Variants in PDE8A observed in about 807,000 individuals in gnomAD.
PDE8A encodes the protein phosphodiesterase 8A.
In PDE8A, 59 loss-of-function variants were observed where a neutral mutation model predicts 105.0. The observed-to-expected ratio is 0.56, with a 90% CI of 0.46 to 0.70. The LOEUF (loss-of-function observed/expected upper bound fraction) is 0.70, where lower values mean the gene tolerates loss of function less well. PDE8A is among the 30% of genes least tolerant of loss of function. The pLI is 0.00. For synonymous variants in PDE8A, 355 were observed against 371.9 expected (o/e 0.95, Z 0.52); for missense variants, 1,014 against 1,045.9 (o/e 0.97, Z 0.42).
At chr15:85,035,874 T>C (rs2080698262) in intron 1 of PDE8A, among the ~76,000 whole-genome samples, 1 of 152,220 alleles carries the variant, frequency 6.6e-6, no homozygotes, top group African/African-American at 2.4e-5. Context: ...CAAAGCTGCC[T>C]TCATTCCTTG....
intron 18 of PDE8A, among the ~76,000 whole-genome samples, chr15:85,122,683 A>ACTCC (rs2082200033): frequency 6.6e-6 from 1 of 152,120 alleles, no homozygotes; most frequent in Non-Finnish European, 1.5e-5. Flanking sequence ...GGTATCAAGT[A>ACTCC]CTCCCTATGA....
intron 1 of PDE8A, among the ~76,000 whole-genome samples, chr15:85,061,784 T>G (rs933713641): frequency 2.6e-5 from 4 of 152,148 alleles, no homozygotes; most frequent in African/African-American, 7.2e-5. Flanking sequence ...GTTCACTATT[T>G]TTTTAAAGGT....
At position 85,030,331 on chromosome 15, in the gene PDE8A, T is replaced by A. The variant is rs986932308; in HGVS notation, c.187-34039T>A. 9.9e-4 allele frequency among the ~76,000 whole-genome samples: 150 copies of A among 151,894 alleles called. 2 individuals carry two copies. Among genetic ancestry groups the A allele is most frequent in the Non-Finnish European group, 1.6e-3 (110 of 67,970 alleles). ...TAGCCTCCATTGAATCTGGCCCAGT[T>A]TGGTATGATCTCCTAGCCACAGCCT... On this transcript the variant is annotated intron_variant, in intron 1 of 21. Transcript: ENST00000394553.
intron 1 of PDE8A, among the ~76,000 whole-genome samples, chr15:85,031,625 G>C (rs1370099266): frequency 6.6e-6 from 1 of 152,226 alleles, no homozygotes; most frequent in East Asian, 1.9e-4. Context: ...CTTCCTAGCT[G>C]TGTGACTGAC....
At chr15:85,048,962 C>T (rs1375704359) in intron 1 of PDE8A, among the ~76,000 whole-genome samples, 3 of 152,064 alleles carry the variant, frequency 2.0e-5, no homozygotes, top group South Asian at 2.1e-4. Flanking sequence ...ATTAGCCAGG[C>T]GTGGTGGCTC....
chr15:85,108,118 C>T lies in PDE8A; in HGVS notation c.1037-935C>T, dbSNP rs190914043. Among the ~76,000 whole-genome samples the T allele has an allele frequency of 2.4e-3, 365 of 152,224 alleles. 1 individual carries two copies. Among genetic ancestry groups the T allele is most frequent in the African/African-American group, 8.5e-3 (353 of 41,512 alleles). On this transcript the variant is annotated intron_variant, in intron 11 of 21. Transcript: ENST00000394553. ...TAGCAAAAAGGAGGTCGTTGGTGAC[C>T]TTGACACATTCACTCTTTAGTGCCC...
chr15:85,012,592 A>C (rs2080258381), intron 1 of PDE8A, among the ~76,000 whole-genome samples: 1 of 151,534 alleles, frequency 6.6e-6, no homozygotes, highest in African/African-American at 2.4e-5. Flanking sequence ...AGATATACCT[A>C]ATGCTAAATG....
chr15:84,985,802 T>C (rs1707105861), intron 1 of PDE8A, among the ~76,000 whole-genome samples: 2 of 152,234 alleles, frequency 1.3e-5, no homozygotes, highest in South Asian at 4.1e-4. Flanking sequence ...AAGCCAGTTT[T>C]AACCAGAGTA....
chr15:85,029,218 T>C (rs374192143), intron 1 of PDE8A, among the ~76,000 whole-genome samples: 1 of 152,198 alleles, frequency 6.6e-6, no homozygotes, highest in African/African-American at 2.4e-5. Flanking sequence ...AATATTCTTA[T>C]GTTAACCGTA....
At chr15:84,983,881 T>A (rs2079760607) in intron 1 of PDE8A, among the ~76,000 whole-genome samples, 1 of 152,216 alleles carries the variant, frequency 6.6e-6, no homozygotes, top group African/African-American at 2.4e-5. Context: ...CTTGTAAGCC[T>A]CCCCAGTGCA....
At chr15:84,992,812 G>C (rs1295830608) in intron 1 of PDE8A, among the ~76,000 whole-genome samples, 2 of 152,192 alleles carry the variant, frequency 1.3e-5, no homozygotes, top group African/African-American at 4.8e-5. Context: ...AATTTGTACA[G>C]TGCTTTATGG....
At chr15:85,013,732 G>T (rs2080277506) in intron 1 of PDE8A, among the ~76,000 whole-genome samples, 2 of 152,198 alleles carry the variant, frequency 1.3e-5, no homozygotes, top group African/African-American at 4.8e-5. Context: ...GAGAAGCGGG[G>T]CTCAATAGTT....
rs772140988 is a variant in PDE8A at position 85,075,850 on chromosome 15, G to GT, written c.435-4dup. On this transcript the variant is annotated splice_polypyrimidine_tract_variant and intron_variant, in intron 3 of 21. Transcript: ENST00000394553. ...TTTTATATTTATTTTAAAGTTTTGT[G>GT]TTTTTTTTAAGGTCTATCAGATCAT... 1,393 of 1,407,414 alleles carry GT rather than the reference G, an allele frequency of 9.9e-4. No homozygotes were observed. Among genetic ancestry groups the GT allele is most frequent in the Non-Finnish European group, 1.1e-3 (1,125 of 1,016,218 alleles). The allele number at this position is 1,407,414 out of a possible 1,614,324, so 87.2% of individuals were successfully genotyped here.
At chr15:85,073,086 C>G (rs2081335260) in intron 3 of PDE8A, among the ~76,000 whole-genome samples, 4 of 152,132 alleles carry the variant, frequency 2.6e-5, no homozygotes, top group Admixed American at 2.6e-4. Flanking sequence ...TACACTTGAG[C>G]CTGGCCGACA....
intron 20 of PDE8A, among the ~76,000 whole-genome samples, chr15:85,129,660 T>C (rs1182257789): frequency 1.2e-5 from 1 of 81,734 alleles, no homozygotes; most frequent in African/African-American, 7.9e-5. Context: ...TTCAAAAAAT[T>C]ATCTTTTGGT....
At chr15:84,988,506 T>C (rs2079838182) in intron 1 of PDE8A, among the ~76,000 whole-genome samples, 1 of 152,244 alleles carries the variant, frequency 6.6e-6, no homozygotes, top group African/African-American at 2.4e-5. Context: ...CTGCCCTCTT[T>C]GCTGTCTGAA....
At chr15:85,109,640 A>G (rs528174970) in intron 12 of PDE8A, among the ~76,000 whole-genome samples, 7 of 152,374 alleles carry the variant, frequency 4.6e-5, no homozygotes, top group African/African-American at 7.2e-5. Context: ...TTGTTTATAC[A>G]GAGTGTGGAG....
At chr15:84,998,039 C>T (rs2080008157) in intron 1 of PDE8A, among the ~76,000 whole-genome samples, 1 of 152,120 alleles carries the variant, frequency 6.6e-6, no homozygotes, top group Non-Finnish European at 1.5e-5. Context: ...AATGAAAAAG[C>T]CCTAAATTAA....
chr15:85,097,948 G>A lies in PDE8A; in HGVS notation c.853G>A (p.Glu285Lys), dbSNP rs1474728882. The change falls in exon 9 of 22, where the codon GAG becomes AAG. Residue 285 changes from glutamate (E) to lysine (K), a missense_variant and splice_region_variant. Glu to Lys is a moderately conservative substitution (Grantham distance 56). Transcript: ENST00000394553. ...TINSCIRIGK[E>K]WQGIYYAKKK... ...GACGATGCTTACATTCCATTTATAG[G>A]AGTGGCAAGGAATTTACTATGCCAA... The A allele has an allele frequency of 5.3e-6, 8 of 1,506,464 alleles. No homozygotes were observed. Among genetic ancestry groups the A allele is most frequent in the African/African-American group, 1.4e-5 (1 of 72,932 alleles). The allele number at this position is 1,506,464 out of a possible 1,614,324, so 93.3% of individuals were successfully genotyped here.
Sources: allele counts gnomAD v4.1 joint callset (sites outside exome capture counted in the v4.1 genomes callset), GRCh38; gene constraint gnomAD v4.1.1; transcripts MANE v1.5; gene names NCBI Gene and HGNC (gene_info 2026-07-23, HGNC 2026-07-21).